Variants in MITF observed in about 807,000 individuals in gnomAD.
The protein encoded by MITF is microphthalmia-associated transcription factor.
MITF carries 17 observed loss-of-function variants against 60.5 expected under a neutral mutation model. That is an observed-to-expected ratio of 0.28 (90% confidence interval 0.19 to 0.42). The LOEUF is 0.42. Ranked by LOEUF, MITF falls within the 10% of genes least tolerant of loss-of-function variation. The pLI, the probability that MITF is intolerant of heterozygous loss-of-function variation, is 1.00. For missense variants in MITF, 622 were observed against 683.5 expected (o/e 0.91, Z 1.00); for synonymous variants, 260 against 248.5 (o/e 1.05, Z -0.43).
chr3:69,918,677 TG>T (rs2065393678), intron 2 of MITF, among the ~76,000 whole-genome samples: 2 of 152,214 alleles, frequency 1.3e-5, no homozygotes, highest in African/African-American at 4.8e-5. Context: ...TTTCCTCATC[TG>T]TGAAGTGAGA....
chr3:69,763,971 A>C, intron 1 of MITF: 1 of 1,332,094 alleles, frequency 7.5e-7, no homozygotes, highest in African/African-American at 1.5e-5. Context: ...AAAGTACCTC[A>C]GTTTACAGGT....
chr3:69,789,665 G>A (rs949935454), intron 1 of MITF, among the ~76,000 whole-genome samples: 6 of 152,074 alleles, frequency 3.9e-5, no homozygotes, highest in African/African-American at 1.4e-4. Context: ...AGACAACCCT[G>A]GGCAGCATGG....
At chr3:69,745,098 A>G (rs1703673658) in intron 1 of MITF, among the ~76,000 whole-genome samples, 1 of 152,160 alleles carries the variant, frequency 6.6e-6, no homozygotes, top group Non-Finnish European at 1.5e-5. Flanking sequence ...AAAAACAGTT[A>G]AGACTTATCT....
intron 1 of MITF, among the ~76,000 whole-genome samples, chr3:69,792,521 C>A (rs930118099): frequency 6.6e-6 from 1 of 152,106 alleles, no homozygotes; most frequent in East Asian, 1.9e-4. Flanking sequence ...TACTCACCAT[C>A]CCTAATCCTA....
intron 1 of MITF, among the ~76,000 whole-genome samples, chr3:69,745,415 G>A (rs1052841413): frequency 3.3e-5 from 5 of 152,138 alleles, no homozygotes; most frequent in African/African-American, 1.2e-4. Context: ...TGTGGTCCCT[G>A]TGGCAGGGTG....
intron 7 of MITF, among the ~76,000 whole-genome samples, chr3:69,953,713 A>AC: frequency 1.3e-5 from 2 of 150,848 alleles, no homozygotes; most frequent in Admixed American, 6.6e-5. Context: ...AGAGACAGAG[A>AC]AAGAAAGAGA....
At chr3:69,818,980 C>G (rs892813863) in intron 1 of MITF, among the ~76,000 whole-genome samples, 8 of 152,064 alleles carry the variant, frequency 5.3e-5, no homozygotes, top group Non-Finnish European at 1.5e-5. Flanking sequence ...AAATGAAAAG[C>G]AGTAATCATA....
At chr3:69,919,012 C>G (rs1369849029) in intron 2 of MITF, among the ~76,000 whole-genome samples, 1 of 152,146 alleles carries the variant, frequency 6.6e-6, no homozygotes. Context: ...AGAAATCTTT[C>G]TCTGTCTCTT....
At chr3:69,799,854 A>G (rs62250983) in intron 1 of MITF, among the ~76,000 whole-genome samples, 55 of 152,150 alleles carry the variant, frequency 3.6e-4, no homozygotes, top group Admixed American at 2.7e-3. Context: ...TGGGACCACT[A>G]TCAGGTGCTG....
chr3:69,758,823 T>C (rs1168556376), intron 1 of MITF: 1 of 210,682 alleles, frequency 4.7e-6, no homozygotes, highest in African/African-American at 2.3e-5. Flanking sequence ...TCTTACCTTT[T>C]CTTTTGTTAG....
At chr3:69,848,479 A>G (rs1262435320) in intron 1 of MITF, among the ~76,000 whole-genome samples, 1 of 152,204 alleles carries the variant, frequency 6.6e-6, no homozygotes, top group East Asian at 1.9e-4. Context: ...GCACTCATGG[A>G]TGGATTCCAG....
chr3:69,936,776 T>C (rs2065845787), intron 2 of MITF: 1 of 1,607,244 alleles, frequency 6.2e-7, no homozygotes. Context: ...TTCTGACTCA[T>C]ATTCAGTCTT....
chr3:69,964,321 C>A lies in MITF; in HGVS notation c.1180-526C>A, dbSNP rs905064675. Among the ~76,000 whole-genome samples the A allele has an allele frequency of 2.2e-5, 3 of 137,090 alleles. 1 individual carries two copies. Among genetic ancestry groups the A allele is most frequent in the Non-Finnish European group, 4.8e-5 (3 of 62,804 alleles). The allele number at this position is 137,090 out of a possible 152,430, so 89.9% of individuals were successfully genotyped here. Reference sequence around the variant, plus strand: ...TTATCCTCAGTGTGAACATTAATATCTGTGAGAGACCATCTCTATTTTTCA... The same window carrying A: ...TTATCCTCAGTGTGAACATTAATATATGTGAGAGACCATCTCTATTTTTCA... On this transcript the variant is annotated intron_variant, in intron 9 of 9. Transcript: ENST00000352241.
chr3:69,752,538 T>C (rs1019514186), intron 1 of MITF, among the ~76,000 whole-genome samples: 1 of 152,206 alleles, frequency 6.6e-6, no homozygotes, highest in Non-Finnish European at 1.5e-5. Flanking sequence ...GTGGAACTTT[T>C]AACTTGAGAG....
chr3:69,933,712 G>A (rs948303107), intron 2 of MITF, among the ~76,000 whole-genome samples: 1 of 152,150 alleles, frequency 6.6e-6, no homozygotes, highest in East Asian at 1.9e-4. Flanking sequence ...GTGTTCAGCA[G>A]TACTCAACTT....
chr3:69,765,211 C>G (rs1370103977), intron 1 of MITF, among the ~76,000 whole-genome samples: 1 of 152,118 alleles, frequency 6.6e-6, no homozygotes, highest in Non-Finnish European at 1.5e-5. Flanking sequence ...TACTATTTTC[C>G]CTGGAATGGA....
intron 1 of MITF, among the ~76,000 whole-genome samples, chr3:69,840,482 A>G (rs1311636906): frequency 3.3e-5 from 5 of 152,112 alleles, no homozygotes; most frequent in South Asian, 2.1e-4. Flanking sequence ...ATAAAATGTG[A>G]TGGAGATTGG....
chr3:69,906,155 T>G (rs1213168761), intron 2 of MITF, among the ~76,000 whole-genome samples: 2 of 152,192 alleles, frequency 1.3e-5, no homozygotes, highest in Non-Finnish European at 2.9e-5. Flanking sequence ...AAACATGAAT[T>G]GAAGGGTTTT....
chr3:69,868,455 T>C (rs972880054), intron 1 of MITF, among the ~76,000 whole-genome samples: 11 of 152,166 alleles, frequency 7.2e-5, no homozygotes, highest in African/African-American at 2.7e-4. Context: ...TTTCTTCCTC[T>C]GCTTTTTTAT....
Sources: gnomAD v4.1 joint callset for allele counts (sites outside exome capture counted in the v4.1 genomes callset) on GRCh38, gnomAD v4.1.1 for gene constraint, MANE v1.5 for transcripts, NCBI Gene and HGNC (gene_info 2026-07-23, HGNC 2026-07-21) for gene names.